Variants in TENM4 observed in about 807,000 individuals in gnomAD.
The protein encoded by TENM4 is teneurin-4.
TENM4 carries 82 observed loss-of-function variants against 243.3 expected under a neutral mutation model. The ratio of observed to expected loss-of-function variants is 0.34; its 90% confidence interval spans 0.28 to 0.40. The LOEUF is 0.40. TENM4 is among the 10% of genes least tolerant of loss of function. The pLI is 1.00. For synonymous variants in TENM4, 1,412 were observed against 1,456.3 expected (o/e 0.97, Z 0.69); for missense variants, 3,138 against 3,673.3 (o/e 0.85, Z 3.77).
chr11:78,831,101 A>T (rs897695454), intron 12 of TENM4, among the ~76,000 whole-genome samples: 1 of 152,240 alleles, frequency 6.6e-6, no homozygotes, highest in Non-Finnish European at 1.5e-5. Context: ...AAGTGAAATG[A>T]CTTGCAGATC....
intron 17 of TENM4, among the ~76,000 whole-genome samples, chr11:78,774,593 G>A (rs1856705061): frequency 6.6e-6 from 1 of 152,172 alleles, no homozygotes. Context: ...CCTGCATGTA[G>A]CAGACACTCA....
intron 27 of TENM4, among the ~76,000 whole-genome samples, chr11:78,706,036 C>G (rs1039270658): frequency 6.6e-6 from 1 of 152,194 alleles, no homozygotes; most frequent in Non-Finnish European, 1.5e-5. Flanking sequence ...TCTGATGGAA[C>G]CTGGTACAGG....
rs551884581 is a variant in TENM4, at chr11:78,812,306, G to A, written c.1794C>T (p.Pro598=). Residue 598 remains proline (P), a synonymous_variant, in exon 14 of 34, where the codon CCC becomes CCT. Coordinates refer to ENST00000278550, the MANE Select transcript of TENM4 (RefSeq NM_001098816.3). ...LGPDCGRASC[P]VLCSGNGQYM... ...ATTGGCCATTTCCGCTACAGAGCAC[G>A]GGGCAGGAGGCTGGGGAGACAGCAC... 1.7e-4 allele frequency: 259 copies of A among 1,551,146 alleles called. 1 individual carries two copies. The South Asian group carries it at 2.8e-3, about 17-fold the overall frequency.
intron 1 of TENM4, among the ~76,000 whole-genome samples, chr11:79,300,158 A>G (rs575403222): frequency 2.0e-4 from 31 of 152,318 alleles, no homozygotes; most frequent in African/African-American, 7.2e-4. Flanking sequence ...TTTTAAAAAA[A>G]GTATTTTCTT....
intron 2 of TENM4, among the ~76,000 whole-genome samples, chr11:79,255,609 T>C (rs986095435): frequency 3.3e-5 from 5 of 152,230 alleles, no homozygotes; most frequent in Non-Finnish European, 4.4e-5. Context: ...ACCTTTGATG[T>C]GCATTCAACA....
At chr11:79,267,170 C>A (rs1202298846) in intron 2 of TENM4, among the ~76,000 whole-genome samples, 1 of 152,176 alleles carries the variant, frequency 6.6e-6, no homozygotes, top group African/African-American at 2.4e-5. Context: ...CTTGTCAGTT[C>A]TAATTCTAAT....
intron 1 of TENM4, among the ~76,000 whole-genome samples, chr11:79,334,765 G>A (rs1240357191): frequency 6.6e-6 from 1 of 152,200 alleles, no homozygotes; most frequent in East Asian, 1.9e-4. Flanking sequence ...ACGTTAGCAT[G>A]TTGCATATGA....
chr11:79,062,460 C>T (rs903406393), intron 6 of TENM4, among the ~76,000 whole-genome samples: 2 of 152,150 alleles, frequency 1.3e-5, no homozygotes, highest in Non-Finnish European at 2.9e-5. Context: ...GTTCTGTGGT[C>T]AAATTGATTT....
chr11:79,171,050 G>A (rs1863028836), intron 3 of TENM4, among the ~76,000 whole-genome samples: 2 of 152,120 alleles, frequency 1.3e-5, no homozygotes, highest in African/African-American at 4.8e-5. Flanking sequence ...TGATGTTGAA[G>A]CATCTTTTCC....
intron 4 of TENM4, among the ~76,000 whole-genome samples, chr11:79,141,857 A>G (rs973086647): frequency 4.6e-5 from 7 of 152,160 alleles, no homozygotes; most frequent in Non-Finnish European, 8.8e-5. Context: ...AAATCAATCA[A>G]TGTGATATAT....
At chr11:78,707,077 T>C (rs1205565893) in intron 27 of TENM4, among the ~76,000 whole-genome samples, 1 of 152,084 alleles carries the variant, frequency 6.6e-6, no homozygotes, top group Non-Finnish European at 1.5e-5. Context: ...TACATGTCAG[T>C]AACAGAGGTA....
chr11:78,854,681 T>C (rs573345572), intron 11 of TENM4, among the ~76,000 whole-genome samples: 1 of 152,292 alleles, frequency 6.6e-6, no homozygotes, highest in Admixed American at 6.5e-5. Context: ...TTACAATTGG[T>C]TGAACTTCAT....
At chr11:78,828,236 C>T (rs1418233735) in intron 12 of TENM4, among the ~76,000 whole-genome samples, 1 of 152,194 alleles carries the variant, frequency 6.6e-6, no homozygotes, top group Non-Finnish European at 1.5e-5. Context: ...TCCAGACCTG[C>T]AGCTTCACTG....
chr11:79,209,659 T>C (rs1174487953), intron 3 of TENM4, among the ~76,000 whole-genome samples: 1 of 152,186 alleles, frequency 6.6e-6, no homozygotes, highest in Non-Finnish European at 1.5e-5. Context: ...CCTAGGAAGA[T>C]AGACATGGTC....
chr11:79,368,291 G>A (rs1256358567), intron 1 of TENM4, among the ~76,000 whole-genome samples: 2 of 152,192 alleles, frequency 1.3e-5, no homozygotes, highest in East Asian at 1.9e-4. Flanking sequence ...GTGAAACCAC[G>A]TAGCTTAAAA....
intron 7 of TENM4, among the ~76,000 whole-genome samples, chr11:78,896,812 CTGGCT>C (rs1855810380): frequency 6.6e-6 from 1 of 152,168 alleles, no homozygotes; most frequent in Non-Finnish European, 1.5e-5. Flanking sequence ...CTGCCACTTA[CTGGCT>C]GTGGGACCTG....
At chr11:78,782,781 A>AC (rs1365902578) in intron 16 of TENM4, among the ~76,000 whole-genome samples, 4 of 151,498 alleles carry the variant, frequency 2.6e-5, no homozygotes, top group African/African-American at 7.3e-5. Flanking sequence ...TTAAAAAAAA[A>AC]AAAACTGGAC....
chr11:78,686,493 A>G (rs1429711250), intron 29 of TENM4, among the ~76,000 whole-genome samples: 1 of 148,866 alleles, frequency 6.7e-6, no homozygotes, highest in Non-Finnish European at 1.5e-5. Context: ...CCAGTCAGAT[A>G]GAAGTTCCAG....
intron 1 of TENM4, among the ~76,000 whole-genome samples, chr11:79,403,207 A>C (rs1430420033): frequency 1.3e-5 from 2 of 152,208 alleles, no homozygotes; most frequent in Admixed American, 6.5e-5. Flanking sequence ...GAAAACACCT[A>C]CTAACCAACG....
Sources: allele counts gnomAD v4.1 joint callset (sites outside exome capture counted in the v4.1 genomes callset), GRCh38; gene constraint gnomAD v4.1.1; transcripts MANE v1.5; gene names NCBI Gene and HGNC (gene_info 2026-07-23, HGNC 2026-07-21).